Variants in NEBL observed in about 807,000 individuals in gnomAD.
NEBL encodes LIM and SH3 protein 2.
NEBL carries 122 observed loss-of-function variants against 140.2 expected under a neutral mutation model. The ratio of observed to expected loss-of-function variants is 0.87; its 90% CI spans 0.75 to 1.01. The LOEUF is 1.01. NEBL is among the 50% of genes least tolerant of loss of function. NEBL has a pLI of 0.00. For missense variants in NEBL, 1,365 were observed against 1,231.3 expected, an observed-to-expected ratio of 1.11 and a Z score of -1.62; for synonymous variants, 436 against 398.9, an observed-to-expected ratio of 1.09 and a Z score of -1.11.
At chr10:21,130,794 T>G (rs1034616795) in intron 2 of NEBL, among the ~76,000 whole-genome samples, 4 of 151,854 alleles carry the variant, frequency 2.6e-5, no homozygotes, top group Non-Finnish European at 5.9e-5. Flanking sequence ...GAAAAAAGAT[T>G]GAAAATTAAT....
At chr10:20,989,775 T>G (rs961453029) in intron 3 of NEBL, among the ~76,000 whole-genome samples, 2 of 152,192 alleles carry the variant, frequency 1.3e-5, no homozygotes, top group Non-Finnish European at 2.9e-5. Flanking sequence ...TCAATGAACA[T>G]TTACAGGAGT....
chr10:20,883,626 A>C (rs1190449210), intron 4 of NEBL, among the ~76,000 whole-genome samples: 1 of 152,240 alleles, frequency 6.6e-6, no homozygotes, highest in Non-Finnish European at 1.5e-5. Flanking sequence ...GAAAAGAACT[A>C]GTATATGCCT....
intron 2 of NEBL, among the ~76,000 whole-genome samples, chr10:21,077,327 G>A (rs901256929): frequency 1.3e-5 from 2 of 152,044 alleles, no homozygotes; most frequent in African/African-American, 4.8e-5. Flanking sequence ...TTTGCTGGCC[G>A]GGCGCAGTGG....
At chr10:20,811,405 G>T (rs1388819825) in intron 24 of NEBL, among the ~76,000 whole-genome samples, 2 of 152,116 alleles carry the variant, frequency 1.3e-5, no homozygotes, top group African/African-American at 4.8e-5. Flanking sequence ...CAGAACCCCT[G>T]CACTATCCCT....
chr10:20,970,291 G>C (rs1333617039), intron 3 of NEBL, among the ~76,000 whole-genome samples: 1 of 152,194 alleles, frequency 6.6e-6, no homozygotes, highest in Non-Finnish European at 1.5e-5. Context: ...CCCATGGCCA[G>C]GGACTGTGCA....
intron 4 of NEBL, among the ~76,000 whole-genome samples, chr10:20,915,028 C>G (rs976201437): frequency 5.1e-5 from 7 of 138,388 alleles, no homozygotes; most frequent in African/African-American, 1.9e-4. Flanking sequence ...GTCTCAAACT[C>G]CTGACCTCAG....
intron 20 of NEBL, chr10:20,818,865 C>T (rs1588681098): frequency 3.0e-5 from 30 of 989,836 alleles, no homozygotes; most frequent in Non-Finnish European, 3.5e-5. Context: ...AAGGAACATC[C>T]AAAAATGCAG....
chr10:20,918,608 T>C (rs1243267371), intron 4 of NEBL, among the ~76,000 whole-genome samples: 40 of 151,900 alleles, frequency 2.6e-4, no homozygotes, highest in Admixed American at 2.6e-3. Context: ...CCCAGCACTT[T>C]GGGAGGCCGA....
intron 8 of NEBL, among the ~76,000 whole-genome samples, chr10:20,859,077 A>T (rs113041537): frequency 0.019 from 2,853 of 152,228 alleles, 80 homozygotes; most frequent in African/African-American, 0.063. Flanking sequence ...ATAATACATA[A>T]TTTTTATACT....
At chr10:21,178,558 A>G (rs1841338161), upstream of NEBL, among the ~76,000 whole-genome samples, 2 of 152,222 alleles carry the variant, frequency 1.3e-5, 1 homozygote, top group South Asian at 4.1e-4. Flanking sequence ...CACAGAAAAT[A>G]TAAGACCCCC....
At chr10:21,127,175 G>A (rs2132060053) in intron 2 of NEBL, among the ~76,000 whole-genome samples, 1 of 151,986 alleles carries the variant, frequency 6.6e-6, no homozygotes, top group Admixed American at 6.6e-5. Flanking sequence ...GAGGCTGCCA[G>A]GACCCCAATT....
At chr10:20,930,089 G>C (rs1834111092) in intron 4 of NEBL, among the ~76,000 whole-genome samples, 1 of 151,830 alleles carries the variant, frequency 6.6e-6, no homozygotes, top group African/African-American at 2.4e-5. Context: ...CTTCTCCCCT[G>C]AGTTTCACAC....
At chr10:21,039,662 C>T (rs1200155024) in intron 2 of NEBL, among the ~76,000 whole-genome samples, 1 of 152,214 alleles carries the variant, frequency 6.6e-6, no homozygotes, top group African/African-American at 2.4e-5. Flanking sequence ...TTGGAGCCCA[C>T]AGTAAGAGAT....
At chr10:21,031,734 C>A (rs191235000) in intron 2 of NEBL, among the ~76,000 whole-genome samples, 1 of 152,150 alleles carries the variant, frequency 6.6e-6, no homozygotes, top group Non-Finnish European at 1.5e-5. Flanking sequence ...TCTTTCCCAC[C>A]GGGAGCCCAA....
chr10:21,161,419 A>G (rs956448837), intron 2 of NEBL, among the ~76,000 whole-genome samples: 2 of 152,092 alleles, frequency 1.3e-5, no homozygotes, highest in Non-Finnish European at 2.9e-5. Flanking sequence ...AAAAGAACTC[A>G]CCATGCCCCC....
At chr10:21,078,023 CT>C (rs1241313832) in intron 2 of NEBL, among the ~76,000 whole-genome samples, 3 of 152,190 alleles carry the variant, frequency 2.0e-5, no homozygotes, top group Non-Finnish European at 4.4e-5. Flanking sequence ...CACGGATTGA[CT>C]CTCAATACCA....
At chr10:21,262,040 C>T (rs948272327) in intron 1 of NEBL, among the ~76,000 whole-genome samples, 1 of 152,106 alleles carries the variant, frequency 6.6e-6, no homozygotes, top group Non-Finnish European at 1.5e-5. Context: ...TGTAAGGCTG[C>T]CCCCAACCGA....
At chr10:21,125,920 G>A in intron 2 of NEBL, 1 of 1,614,146 alleles carries the variant, frequency 6.2e-7, no homozygotes, top group Non-Finnish European at 8.5e-7. Context: ...TATACCTTCT[G>A]GTCCCAGAGA....
chr10:21,105,697 T>C (rs1319499553), intron 2 of NEBL, among the ~76,000 whole-genome samples: 2 of 152,202 alleles, frequency 1.3e-5, no homozygotes, highest in African/African-American at 2.4e-5. Flanking sequence ...TTTGGGTATA[T>C]ACCCAATAAG....
Sources: gnomAD v4.1 joint callset for allele counts (sites outside exome capture counted in the v4.1 genomes callset) on GRCh38, gnomAD v4.1.1 for gene constraint, MANE v1.5 for transcripts, NCBI Gene and HGNC (gene_info 2026-07-23, HGNC 2026-07-21) for gene names.